The following CDK5RAP2 variants were observed in gnomAD, a reference collection of about 807,000 sequenced individuals.
The protein encoded by CDK5RAP2 is CDK5 regulatory subunit-associated protein 2.
Under a neutral mutation model 232.9 loss-of-function variants are expected in CDK5RAP2, and 147 were observed. That is an observed-to-expected ratio of 0.63 (90% CI 0.55 to 0.72). The LOEUF (loss-of-function observed/expected upper bound fraction) is 0.72, where lower values mean the gene tolerates loss of function less well. CDK5RAP2 is among the 30% of genes least tolerant of loss of function. The pLI is 0.00. For missense variants in CDK5RAP2, 2,195 were observed against 2,231.5 expected, an observed-to-expected ratio of 0.98 and a Z score of 0.33; for synonymous variants, 833 against 833.7, an observed-to-expected ratio of 1.00 and a Z score of 0.01.
intron 24 of CDK5RAP2, among the ~76,000 whole-genome samples, chr9:120,438,664 G>A (rs1000950738): frequency 1.3e-5 from 2 of 152,272 alleles, no homozygotes; most frequent in African/African-American, 4.8e-5. Context: ...TTGAGGATTA[G>A]ATAAGAAAAG....
intron 24 of CDK5RAP2, 149 bp downstream of exon 24, chr9:120,439,250 T>C (rs1218994901): frequency 2.7e-6 from 2 of 745,832 alleles, no homozygotes; most frequent in South Asian, 1.5e-5. Flanking sequence ...CCACAGGACC[T>C]GGCTGCCTGA....
chr9:120,559,369 C>T (rs1445311437), intron 3 of CDK5RAP2, among the ~76,000 whole-genome samples: 1 of 151,264 alleles, frequency 6.6e-6, no homozygotes, highest in Admixed American at 6.6e-5. Context: ...TGCCTGTAGT[C>T]CTAGCCAAGC....
chr9:120,527,564 C>A (rs752396353), intron 10 of CDK5RAP2, among the ~76,000 whole-genome samples: 2 of 151,520 alleles, frequency 1.3e-5, no homozygotes, highest in African/African-American at 2.4e-5. Flanking sequence ...CTTTTTACTT[C>A]TTTTAATGTG....
chr9:120,458,367 G>C, intron 20 of CDK5RAP2, 83 bp downstream of exon 20: 1 of 1,327,302 alleles, frequency 7.5e-7, no homozygotes, highest in African/African-American at 1.4e-5. Flanking sequence ...TACACAGCAC[G>C]ATCATCTAAA....
intron 36 of CDK5RAP2, among the ~76,000 whole-genome samples, chr9:120,392,902 C>CT (rs1374330046): frequency 6.6e-6 from 1 of 152,236 alleles, no homozygotes; most frequent in Non-Finnish European, 1.5e-5. Context: ...CCAAGCTCAG[C>CT]CATGGGATCT....
At position 120,415,115 on chromosome 9, in the gene CDK5RAP2, G is replaced by A. The variant is rs151259479; in HGVS notation, c.4222C>T (p.Arg1408Cys). The A allele has an allele frequency of 4.0e-5, 65 of 1,613,794 alleles. No individual in the cohort carries two copies. In the Admixed American group the frequency reaches 5.2e-4, roughly 13 times the overall value. The stretch of plus-strand genomic sequence containing the variant: ...TTTGTTTTAATAGATTCTTCTAAAC[G>A]CTTTCTCAAAGTTCGAATTTCCTGT... ...HIQEIRTLRK[R>C]LEESIKTNEK... is the part of the protein sequence containing the mutation. The change falls in exon 28 of 38, where the codon CGT (arginine) becomes TGT (cysteine). Residue 1408 changes from arginine to cysteine, a missense_variant. Coordinates refer to ENST00000349780, the MANE Select transcript of CDK5RAP2 (RefSeq NM_018249.6).
At chr9:120,391,313 G>A (rs1245621411) in intron 36 of CDK5RAP2, among the ~76,000 whole-genome samples, 1 of 152,120 alleles carries the variant, frequency 6.6e-6, no homozygotes, top group Non-Finnish European at 1.5e-5. Context: ...GCACTGCCAC[G>A]TTCCAAAGCA....
chr9:120,518,168 T>TGG (rs1197849090), intron 12 of CDK5RAP2, among the ~76,000 whole-genome samples: 2 of 41,826 alleles, frequency 4.8e-5, no homozygotes, highest in Admixed American at 6.1e-4. Flanking sequence ...AACAACTCTG[T>TGG]GTGTGTGTGT....
intron 31 of CDK5RAP2, chr9:120,407,986 T>A (rs2033593128): frequency 6.2e-6 from 2 of 323,886 alleles, no homozygotes; most frequent in Non-Finnish European, 1.2e-5. Context: ...ATGCTTTTAA[T>A]AAATGGTCTC....
chr9:120,532,833 A>G (rs1448357998), intron 7 of CDK5RAP2, among the ~76,000 whole-genome samples: 1 of 152,180 alleles, frequency 6.6e-6, no homozygotes, highest in Non-Finnish European at 1.5e-5. Context: ...CCTTTAGCAA[A>G]GCTCTGATCC....
At chr9:120,460,836 G>C (rs1412708353) in intron 18 of CDK5RAP2, 169 bp from the exon 19 acceptor site, 22 of 1,158,262 alleles carry the variant, frequency 1.9e-5, no homozygotes, top group African/African-American at 3.1e-5. Flanking sequence ...ACCAAGGTTA[G>C]AGTTGCTAGT....
At chr9:120,578,543 C>T (rs1356230011) in intron 1 of CDK5RAP2, among the ~76,000 whole-genome samples, 1 of 148,128 alleles carries the variant, frequency 6.8e-6, no homozygotes, top group Non-Finnish European at 1.5e-5. Flanking sequence ...GCTGCCCGGG[C>T]ATAAATATTA....
intron 36 of CDK5RAP2, among the ~76,000 whole-genome samples, chr9:120,394,090 G>C (rs1031122954): frequency 6.6e-6 from 1 of 152,162 alleles, no homozygotes; most frequent in African/African-American, 2.4e-5. Context: ...TCCTGCCTTT[G>C]TGCCTCTGTC....
chr9:120,414,814 T>C (rs1005286240), intron 28 of CDK5RAP2, among the ~76,000 whole-genome samples: 4 of 152,240 alleles, frequency 2.6e-5, no homozygotes, highest in African/African-American at 9.6e-5. Context: ...AAAGACAATA[T>C]ATTGCTTTGT....
chr9:120,529,069 G>A (rs1346687648), intron 8 of CDK5RAP2, among the ~76,000 whole-genome samples: 3 of 152,198 alleles, frequency 2.0e-5, no homozygotes, highest in Non-Finnish European at 4.4e-5. Flanking sequence ...AGGCCTACTA[G>A]AGGGCCGTGT....
At chr9:120,468,899 A>T (rs1348230326) in intron 17 of CDK5RAP2, among the ~76,000 whole-genome samples, 1 of 152,194 alleles carries the variant, frequency 6.6e-6, no homozygotes, top group Non-Finnish European at 1.5e-5. Flanking sequence ...GGAAATTCCC[A>T]CCCTGAGTAC....
At chr9:120,578,165 G>A (rs1406932297) in intron 1 of CDK5RAP2, among the ~76,000 whole-genome samples, 2 of 152,152 alleles carry the variant, frequency 1.3e-5, no homozygotes, top group African/African-American at 4.8e-5. Context: ...TACTCCGGAG[G>A]CTCAGGCAGG....
intron 25 of CDK5RAP2, among the ~76,000 whole-genome samples, chr9:120,425,862 C>A (rs916140065): frequency 4.6e-5 from 7 of 152,224 alleles, no homozygotes; most frequent in African/African-American, 4.8e-5. Context: ...GCCACCCTAT[C>A]CTCAGTGAGT....
At position 120,391,102 on chromosome 9, in the gene CDK5RAP2, G is replaced by A. The variant is rs148391328; in HGVS notation, c.5579-1315C>T. Among the ~76,000 whole-genome samples the A allele has an allele frequency of 1.5e-3, 225 of 152,154 alleles. 3 individuals are homozygous for A. Among genetic ancestry groups the A allele is most frequent in the African/African-American group, 5.0e-3 (206 of 41,508 alleles). ...TGCAAATGGGGGTATGTATCTGGAC[G>A]TCCGCATTTTTCCACAGAGAGACCA... On this transcript the variant is annotated intron_variant, in intron 36 of 37. Transcript: ENST00000349780.
Sources: allele counts gnomAD v4.1 joint callset (sites outside exome capture counted in the v4.1 genomes callset), GRCh38; gene constraint gnomAD v4.1.1; transcripts MANE v1.5; gene names NCBI Gene and HGNC (gene_info 2026-07-23, HGNC 2026-07-21).